Variants in DNAJC25 observed in about 807,000 individuals in gnomAD.
DNAJC25 encodes DnaJ heat shock protein family (Hsp40) member C25, also known as dnaJ homolog subfamily C member 25.
Under a neutral mutation model 42.1 loss-of-function variants are expected in DNAJC25, and 26 were observed. The ratio of observed to expected loss-of-function variants is 0.62; its 90% confidence interval spans 0.45 to 0.86. The LOEUF is 0.86. DNAJC25 is among the 40% of genes least tolerant of loss of function. The pLI is 0.00. For synonymous variants in DNAJC25, 189 were observed against 179.9 expected (o/e 1.05, Z -0.40); for missense variants, 404 against 459.4 (o/e 0.88, Z 1.10).
intron 1 of DNAJC25, among the ~76,000 whole-genome samples, chr9:111,639,429 G>A (rs554924521): frequency 1.3e-5 from 2 of 152,292 alleles, no homozygotes; most frequent in Admixed American, 1.3e-4. Flanking sequence ...AGAATAGGAG[G>A]AGGCAAGAAA....
At chr9:111,643,761 C>T (rs1830523842) in intron 1 of DNAJC25, among the ~76,000 whole-genome samples, 1 of 151,950 alleles carries the variant, frequency 6.6e-6, no homozygotes, top group Non-Finnish European at 1.5e-5. Flanking sequence ...TGTGTGGCTA[C>T]CTTAGTTCAA....
intron 3 of DNAJC25, 89 bp downstream of exon 3, chr9:111,650,012 C>A: frequency 8.4e-7 from 1 of 1,191,984 alleles, no homozygotes; most frequent in Non-Finnish European, 1.1e-6. Flanking sequence ...CAGAAGTGTG[C>A]TCACATTTCT....
chr9:111,631,769 T>A (rs1320655572), intron 1 of DNAJC25, 26 bp downstream of exon 1: 1 of 1,489,178 alleles, frequency 6.7e-7, no homozygotes, highest in South Asian at 1.2e-5. Flanking sequence ...GTGGAGGGGC[T>A]TCGAAGACTG....
chr9:111,649,952 T>A, intron 3 of DNAJC25, 29 bp downstream of exon 3: 2 of 1,521,680 alleles, frequency 1.3e-6, no homozygotes, highest in Non-Finnish European at 1.8e-6. Flanking sequence ...GTGATTTAAG[T>A]GTCATCCACC....
chr9:111,653,253 TA>T lies in DNAJC25; in HGVS notation c.*33del. ...GATGGAATGCTACTATGCCAAACCT[TA>T]ATTGTGATATTATTTTCATAACTGA... On this transcript the variant is annotated 3_prime_UTR_variant, in exon 4 of 4. Coordinates refer to ENST00000313525, the MANE Select transcript of DNAJC25 (RefSeq NM_001015882.3). 6.9e-7 allele frequency: 1 copy of T among 1,454,446 alleles called. No individual in the cohort carries two copies. Among genetic ancestry groups the T allele is most frequent in the Non-Finnish European group, 9.1e-7 (1 of 1,095,934 alleles). The allele number at this position is 1,454,446 out of a possible 1,614,324, so 90.1% of individuals were successfully genotyped here.
chr9:111,635,256 C>T (rs1176730714), intron 1 of DNAJC25, among the ~76,000 whole-genome samples: 3 of 152,114 alleles, frequency 2.0e-5, no homozygotes, highest in Admixed American at 1.3e-4. Context: ...ATTTTTTGTG[C>T]GTATATCCAT....
At position 111,631,338 on chromosome 9, in the gene DNAJC25, G is replaced by C. The variant is rs2065101; in HGVS notation, c.-70G>C. 2.0e-3 allele frequency: 2,532 copies of C among 1,245,612 alleles called. 140 individuals are homozygous for C. In the Admixed American group the frequency reaches 0.08, roughly 39 times the overall value. The allele number at this position is 1,245,612 out of a possible 1,614,324, so 77.2% of individuals were successfully genotyped here. On this transcript the variant is annotated 5_prime_UTR_variant, in exon 1 of 4. Coordinates refer to ENST00000313525, the MANE Select transcript of DNAJC25 (RefSeq NM_001015882.3). ...TGCTGACGTGTAGCTGGGGCCAGAC[G>C]GGACTAGCCGGGCGCGCGGCTGAGT...
intron 1 of DNAJC25, among the ~76,000 whole-genome samples, chr9:111,632,641 C>G (rs889233552): frequency 3.3e-5 from 5 of 151,534 alleles, no homozygotes; most frequent in Non-Finnish European, 7.4e-5. Flanking sequence ...AGGGCCCCAT[C>G]ATACTAATGC....
intron 1 of DNAJC25, among the ~76,000 whole-genome samples, chr9:111,634,547 G>T (rs1830336725): frequency 6.6e-6 from 1 of 152,192 alleles, no homozygotes. Flanking sequence ...AGGTCAGATA[G>T]AATAGTGGGA....
At chr9:111,643,733 TA>T (rs376492392) in intron 1 of DNAJC25, among the ~76,000 whole-genome samples, 5,923 of 139,506 alleles carry the variant, frequency 0.042, 115 homozygotes, top group Admixed American at 0.054. Flanking sequence ...CACTGGAGAT[TA>T]AAAAAAAAAA....
In DNAJC25 at chr9:111,631,504, G is replaced by T. The variant is rs10980984; in HGVS notation, c.97G>T (p.Val33Leu). The change falls in exon 1 of 4, where the codon GTG becomes TTG. Residue 33 changes from valine to leucine, a missense_variant. Coordinates refer to ENST00000313525, the MANE Select transcript of DNAJC25 (RefSeq NM_001015882.3). The part of the protein sequence containing the change: ...LAPLLPALLL[V>L]RPAGALVEGL... The stretch of plus-strand genomic sequence containing the variant: ...GCCCCTGCTGCCGGCGCTGCTGCTG[G>T]TGCGGCCCGCGGGGGCCCTGGTGGA... 1.2e-5 allele frequency: 16 copies of T among 1,331,252 alleles called. No homozygotes were observed. The African/African-American group carries it at 1.8e-4, about 15-fold the overall frequency. The allele number at this position is 1,331,252 out of a possible 1,614,324, so 82.5% of individuals were successfully genotyped here. A position where few individuals can be genotyped will look rare whatever the true frequency, so the allele number is the denominator to read the frequency against.
At chr9:111,637,997 C>T (rs1830388695) in intron 1 of DNAJC25, among the ~76,000 whole-genome samples, 1 of 152,160 alleles carries the variant, frequency 6.6e-6, no homozygotes, top group Non-Finnish European at 1.5e-5. Context: ...GTATCCTTGA[C>T]CTAAGCCACT....
At chr9:111,634,947 G>A (rs1256847922) in intron 1 of DNAJC25, among the ~76,000 whole-genome samples, 1 of 152,176 alleles carries the variant, frequency 6.6e-6, no homozygotes, top group Non-Finnish European at 1.5e-5. Context: ...GCTTAGTTCA[G>A]ATTCCCAAAT....
intron 1 of DNAJC25, among the ~76,000 whole-genome samples, chr9:111,641,492 C>T (rs1830463937): frequency 1.1e-5 from 1 of 90,404 alleles, no homozygotes; most frequent in Non-Finnish European, 2.1e-5. Context: ...GTGAGGAGCC[C>T]CTCTGCCCGG....
intron 1 of DNAJC25, among the ~76,000 whole-genome samples, chr9:111,644,064 T>C (rs1830528802): frequency 6.6e-6 from 1 of 152,226 alleles, no homozygotes. Flanking sequence ...GAGAAAGCTT[T>C]AAGCCCTAGA....
chr9:111,631,653 G>T lies in DNAJC25; in HGVS notation c.246G>T (p.Arg82=), dbSNP rs1422550426. The change falls in exon 1 of 4, where the codon CGG becomes CGT. Residue 82 remains arginine, a synonymous_variant. Transcript: ENST00000313525. Reference sequence around the variant, plus strand: ...GGCGCTACCACCCTGACCGCTACCGGCCCCAGCCCGGAGACGAGGGCCCCG... The same window carrying T: ...GGCGCTACCACCCTGACCGCTACCGTCCCCAGCCCGGAGACGAGGGCCCCG... ...LARRYHPDRY[R]PQPGDEGPGR... The T allele has an allele frequency of 3.3e-6, 5 of 1,518,320 alleles. No individual in the cohort carries two copies. Among genetic ancestry groups the T allele is most frequent in the East Asian group, 5.2e-5 (2 of 38,644 alleles). The allele number at this position is 1,518,320 out of a possible 1,614,324, so 94.1% of individuals were successfully genotyped here.
chr9:111,631,834 G>T (rs1830286378), intron 1 of DNAJC25, 91 bp downstream of exon 1: 1 of 1,423,938 alleles, frequency 7.0e-7, no homozygotes, highest in Non-Finnish European at 9.1e-7. Flanking sequence ...GTGGGCCTCT[G>T]TGACCCCGAA....
chr9:111,631,443 C>T lies in DNAJC25; in HGVS notation c.36C>T (p.Ala12=), dbSNP rs529967238. 1 of 1,300,240 alleles carries T rather than the reference C, an allele frequency of 7.7e-7. No individual in the cohort carries two copies. Among genetic ancestry groups the T allele is most frequent in the Non-Finnish European group, 9.7e-7 (1 of 1,029,578 alleles). 80.5% of individuals were successfully genotyped at this position (1,300,240 alleles called of 1,614,324 possible). A position where few individuals can be genotyped will look rare whatever the true frequency, so the allele number is the denominator to read the frequency against. ...CGCTGCTCTCTCCCGGCTGGGGAGC[C>T]GGGGCTGCCGGCCGGCGCTGGTGGA... is the stretch of plus-strand genomic sequence containing the variant. ...GAPLLSPGWG[A]GAAGRRWWML... The change falls in exon 1 of 4, where the codon GCC becomes GCT. Residue 12 remains alanine, a synonymous_variant. Coordinates refer to ENST00000313525, the MANE Select transcript of DNAJC25 (RefSeq NM_001015882.3).
chr9:111,635,962 C>G (rs1203178642), intron 1 of DNAJC25, among the ~76,000 whole-genome samples: 1 of 152,178 alleles, frequency 6.6e-6, no homozygotes, highest in Admixed American at 6.5e-5. Context: ...TACTCAACCC[C>G]TTCTTTAACT....
Sources: gnomAD v4.1 joint callset for allele counts (sites outside exome capture counted in the v4.1 genomes callset) on GRCh38, gnomAD v4.1.1 for gene constraint, MANE v1.5 for transcripts, NCBI Gene and HGNC (gene_info 2026-07-23, HGNC 2026-07-21) for gene names.